Variants in DST observed in about 807,000 individuals in gnomAD.
DST encodes the protein bullous pemphigoid antigen.
A neutral mutation model predicts 875.2 loss-of-function variants in DST; 253 were observed. The observed-to-expected ratio is 0.29, with a 90% CI of 0.26 to 0.32. DST has a LOEUF of 0.32. DST is among the 10% of genes least tolerant of loss of function. The probability of loss-of-function intolerance (pLI) is 1.00; values close to 1 mark genes in which losing one functional copy is unlikely to be tolerated. For missense variants in DST, 8,287 were observed against 9,111.6 expected, an observed-to-expected ratio of 0.91 and a Z score of 3.68; for synonymous variants, 3,124 against 3,197.1, an observed-to-expected ratio of 0.98 and a Z score of 0.77.
chr6:56,920,940 C>T (rs1420592388), intron 2 of DST, among the ~76,000 whole-genome samples: 2 of 122,050 alleles, frequency 1.6e-5, no homozygotes, highest in African/African-American at 3.1e-5. Context: ...GACAGGGTTT[C>T]CCTACGTTGC....
chr6:56,612,664 C>T (rs1481510134), intron 37 of DST, among the ~76,000 whole-genome samples: 1 of 152,154 alleles, frequency 6.6e-6, no homozygotes, highest in African/African-American at 2.4e-5. Flanking sequence ...GTTTATTTTT[C>T]ATGACTATAA....
chr6:56,902,797 T>C (rs1794738924), intron 2 of DST, among the ~76,000 whole-genome samples: 1 of 152,198 alleles, frequency 6.6e-6, no homozygotes, highest in Non-Finnish European at 1.5e-5. Context: ...AAGAGGGAAC[T>C]GGGCCAAATG....
At chr6:56,530,267 T>A in intron 64 of DST, 134 bp from the exon 65 acceptor site, 1 of 618,734 alleles carries the variant, frequency 1.6e-6, no homozygotes, top group Non-Finnish European at 2.4e-6. Context: ...TTAAATCTCT[T>A]AACATTTAAA....
intron 4 of DST, among the ~76,000 whole-genome samples, chr6:56,772,947 C>T (rs2099670364): frequency 6.6e-6 from 1 of 152,172 alleles, no homozygotes; most frequent in Non-Finnish European, 1.5e-5. Flanking sequence ...TGCCTACTCT[C>T]CCTCACTCTT....
intron 53 of DST, among the ~76,000 whole-genome samples, chr6:56,570,952 C>T (rs1585178803): frequency 6.6e-6 from 1 of 152,340 alleles, no homozygotes; most frequent in East Asian, 1.9e-4. Context: ...CTGGTTTCTA[C>T]ACTATACTAC....
chr6:56,489,589 T>C lies in DST; in HGVS notation c.20778A>G (p.Lys6926=), dbSNP rs774352851. Residue 6926 remains lysine (K), a synonymous_variant, in exon 86 of 104, where the codon AAA becomes AAG. Transcript: ENST00000680361. ...CTGACTCTTCTAGCCACTCCATAAG[T>C]TTACTCCAAGCTTCATGGAACTAGA... ...RAKQFHEAWS[K]LMEWLEESEK... is the part of the protein sequence containing the mutation. The C allele has an allele frequency of 6.2e-7, 1 of 1,612,100 alleles. No homozygotes were observed. Among genetic ancestry groups the C allele is most frequent in the East Asian group, 2.2e-5 (1 of 44,784 alleles).
chr6:56,637,254 T>C (rs1227735006), intron 22 of DST, among the ~76,000 whole-genome samples: 1 of 152,210 alleles, frequency 6.6e-6, no homozygotes, highest in Non-Finnish European at 1.5e-5. Context: ...TTGAAATTTC[T>C]TATTAAAATA....
At chr6:56,698,337 T>C (rs961486039) in intron 9 of DST, among the ~76,000 whole-genome samples, 13 of 151,936 alleles carry the variant, frequency 8.6e-5, no homozygotes, top group African/African-American at 1.9e-4. Flanking sequence ...AAATTTTTTT[T>C]TTTTTTGAGA....
chr6:56,508,688 C>T lies in DST; in HGVS notation c.19080G>A (p.Arg6360=), dbSNP rs1230723931. ...CCATCACATCCAGTAGTTTGGCTTC[C>T]CTCTCTTCCACCAGTGTGTGTATGT... The part of the protein sequence containing the change: ...WENIHTLVEE[R]EAKLLDVMEL... Residue 6360 remains arginine, a synonymous_variant, in exon 75 of 104, where the codon AGG becomes AGA. Transcript: ENST00000680361. The T allele has an allele frequency of 6.2e-7, 1 of 1,613,824 alleles. No individual in the cohort carries two copies. The highest frequency in any genetic ancestry group is 8.5e-7 in the Non-Finnish European group (1 of 1,179,794).
chr6:56,530,243 T>C (rs2096872059), intron 64 of DST, 110 bp from the exon 65 acceptor site: 4 of 774,382 alleles, frequency 5.2e-6, no homozygotes, highest in Non-Finnish European at 7.4e-6. Flanking sequence ...GTAGAAACTA[T>C]CTAAGGTTAC....
intron 49 of DST, among the ~76,000 whole-genome samples, chr6:56,582,298 G>A (rs79007021): frequency 0.01 from 1,560 of 152,234 alleles, 28 homozygotes; most frequent in African/African-American, 0.035. Flanking sequence ...TCTCATGAAT[G>A]GTTTACCATC....
At chr6:56,690,513 C>T (rs893702610) in intron 9 of DST, among the ~76,000 whole-genome samples, 7 of 152,102 alleles carry the variant, frequency 4.6e-5, no homozygotes, top group Admixed American at 2.0e-4. Context: ...TGATGAATGT[C>T]ACAGGACTAG....
chr6:56,819,326 T>C (rs1210205396), intron 4 of DST, among the ~76,000 whole-genome samples: 2 of 152,148 alleles, frequency 1.3e-5, no homozygotes, highest in Non-Finnish European at 2.9e-5. Context: ...ACACTGTTCC[T>C]CAACAAGGTT....
Position 56,874,372 on chromosome 6 carries a change from T to C in DST, c.418-22768A>G, listed in dbSNP as rs542848533. 5.3e-5 allele frequency among the ~76,000 whole-genome samples: 8 copies of C among 152,278 alleles called. No homozygotes were observed. The South Asian group carries it at 1.5e-3, about 28-fold the overall frequency. ...AATCAATAGATAAAACTTAAATTTA[T>C]ATAAATTAAATAAACAACTGAAAGT... is the stretch of plus-strand genomic sequence containing the variant. On this transcript the variant is annotated intron_variant, in intron 3 of 103. Transcript: ENST00000680361.
rs781585055 is a variant in DST at position 56,529,746 on chromosome 6, T to C, written c.17297A>G (p.Asn5766Ser). The C allele has an allele frequency of 1.9e-6, 3 of 1,594,066 alleles. No individual in the cohort carries two copies. The highest frequency in any genetic ancestry group is 2.7e-5 in the African/African-American group (2 of 74,126). ...KALEDDIINHNKHLHQAVSIG... is the reference protein window; with the variant it reads ...KALEDDIINHSKHLHQAVSIG... ...GCTAACAGCCTGGTGTAAATGTTTA[T>C]TGTGATTGATGATGTCATCTTCTAA... The change falls in exon 66 of 104, where the codon AAT (asparagine) becomes AGT (serine). Residue 5766 changes from asparagine (N) to serine (S), a missense_variant. Physicochemically the swap from Asn to Ser is conservative, Grantham distance 46. This residue lies in a region of DST where 777 missense variants were observed against 764.8 expected (regional missense o/e 1.02). Transcript: ENST00000680361.
intron 4 of DST, among the ~76,000 whole-genome samples, chr6:56,754,451 A>C (rs2152955482): frequency 6.6e-6 from 1 of 152,326 alleles, no homozygotes; most frequent in African/African-American, 2.4e-5. Context: ...CATGTCATCT[A>C]TCACAGGTCC....
chr6:56,744,558 G>A (rs1421253312), intron 4 of DST, among the ~76,000 whole-genome samples: 1 of 152,036 alleles, frequency 6.6e-6, no homozygotes, highest in Non-Finnish European at 1.5e-5. Context: ...AAGAAGGAAG[G>A]AATAGTTGGG....
intron 46 of DST, 24 bp downstream of exon 46, chr6:56,598,452 T>G (rs368502474): frequency 1.4e-6 from 2 of 1,412,360 alleles, no homozygotes; most frequent in African/African-American, 2.9e-5. Flanking sequence ...ATAGCAATAG[T>G]GCACCACATA....
chr6:56,631,655 T>C (rs1012137387), intron 29 of DST, among the ~76,000 whole-genome samples: 8 of 152,214 alleles, frequency 5.3e-5, no homozygotes, highest in African/African-American at 1.9e-4. Context: ...CAAGTCCTTA[T>C]ATCCTTCATC....
Sources: allele counts gnomAD v4.1 joint callset (sites outside exome capture counted in the v4.1 genomes callset), GRCh38; gene constraint gnomAD v4.1.1; regional missense constraint gnomAD v4.1.1; transcripts MANE v1.5; gene names NCBI Gene and HGNC (gene_info 2026-07-23, HGNC 2026-07-21).